SNTG2: variants seen among roughly 807,000 people sequenced by gnomAD.
SNTG2 encodes the protein syntrophin gamma 2.
A neutral mutation model predicts 70.9 loss-of-function variants in SNTG2; 74 were observed. That is an observed-to-expected ratio of 1.04 (90% CI 0.86 to 1.27). The LOEUF is 1.27. Among genes scored for constraint, SNTG2 ranks in the 50% most tolerant of loss-of-function variants. The pLI, the probability that SNTG2 is intolerant of heterozygous loss-of-function variation, is 0.00. For missense variants in SNTG2, 717 were observed against 690.7 expected (o/e 1.04, Z -0.43); for synonymous variants, 278 against 273.8 (o/e 1.02, Z -0.15).
At position 1,121,249 on chromosome 2, in the gene SNTG2, C is replaced by T. The variant is rs186772283; in HGVS notation, c.326-16373C>T. On this transcript the variant is annotated intron_variant, in intron 4 of 16. Transcript: ENST00000308624. ...CAACCTACCAGAACTTCTGGGATGC[C>T]GCAAAAACAGTTGTGAGAAGGAAAT... Among the ~76,000 whole-genome samples, 17 of 151,830 alleles carry T rather than the reference C, an allele frequency of 1.1e-4. No individual in the cohort carries two copies. The South Asian group carries it at 2.3e-3, about 21-fold the overall frequency.
intron 1 of SNTG2, among the ~76,000 whole-genome samples, chr2:970,985 A>C (rs55763241): frequency 0.078 from 11,877 of 152,308 alleles, 685 homozygotes; most frequent in South Asian, 0.2. Flanking sequence ...CAATCATTAA[A>C]AAGTCAGGAA....
chr2:983,159 G>A (rs1476506986), intron 1 of SNTG2, among the ~76,000 whole-genome samples: 1 of 148,574 alleles, frequency 6.7e-6, no homozygotes, highest in East Asian at 1.9e-4. Flanking sequence ...GGAGGTGGAG[G>A]TCGTGATGAA....
chr2:1,272,024 A>G (rs1313358086), intron 14 of SNTG2, among the ~76,000 whole-genome samples: 1 of 152,108 alleles, frequency 6.6e-6, no homozygotes, highest in South Asian at 2.1e-4. Flanking sequence ...AACGGTCCCA[A>G]CCTTTATGGT....
intron 16 of SNTG2, among the ~76,000 whole-genome samples, chr2:1,340,058 C>T (rs1660007589): frequency 6.6e-6 from 1 of 152,250 alleles, no homozygotes; most frequent in South Asian, 2.1e-4. Flanking sequence ...GGCACCGAGG[C>T]ACTCGCCTCC....
At chr2:1,244,649 TTG>T (rs1558589042) in intron 11 of SNTG2, among the ~76,000 whole-genome samples, 1 of 130,326 alleles carries the variant, frequency 7.7e-6, no homozygotes, top group Non-Finnish European at 1.6e-5. Flanking sequence ...TGAGCCAAGA[TTG>T]CACCACTGCA....
At chr2:996,898 C>T (rs1461825246) in intron 1 of SNTG2, among the ~76,000 whole-genome samples, 1 of 151,914 alleles carries the variant, frequency 6.6e-6, no homozygotes, top group Non-Finnish European at 1.5e-5. Context: ...AAAACATCAA[C>T]AAAGCCAAAA....
intron 1 of SNTG2, among the ~76,000 whole-genome samples, chr2:1,019,864 G>T (rs559104373): frequency 6.6e-6 from 1 of 152,172 alleles, no homozygotes; most frequent in Non-Finnish European, 1.5e-5. Context: ...CCAACATGGT[G>T]AAACCCCGTC....
At chr2:1,300,438 C>T (rs1415696851) in intron 14 of SNTG2, among the ~76,000 whole-genome samples, 1 of 152,186 alleles carries the variant, frequency 6.6e-6, no homozygotes, top group Non-Finnish European at 1.5e-5. Context: ...CAGGAAGATC[C>T]CTCAACACCC....
intron 1 of SNTG2, among the ~76,000 whole-genome samples, chr2:1,054,254 G>C (rs150459176): frequency 2.9e-5 from 4 of 137,110 alleles, no homozygotes; most frequent in African/African-American, 1.1e-4. Flanking sequence ...ATCCCTAAGC[G>C]TCAGACCTCA....
rs984568872 is a variant in SNTG2, at chr2:1,047,796, A to G, written c.73-35722A>G. ...GAGAGCATGGGCTCCTCTCCCATTC[A>G]AGTGTTGGCTGTATATCTCAGCTTG... On this transcript the variant is annotated intron_variant, in intron 1 of 16. Transcript: ENST00000308624. 5.3e-5 allele frequency among the ~76,000 whole-genome samples: 8 copies of G among 152,240 alleles called. No homozygotes were observed. In the East Asian group the frequency reaches 1.5e-3, roughly 29 times the overall value.
chr2:1,170,647 G>A (rs947483371), intron 7 of SNTG2, among the ~76,000 whole-genome samples: 2 of 152,260 alleles, frequency 1.3e-5, no homozygotes, highest in Middle Eastern at 3.4e-3. Flanking sequence ...CGCGGGCATC[G>A]GTGCTGCATT....
At chr2:1,256,567 T>G (rs1678133248) in intron 12 of SNTG2, 1 of 152,190 alleles carries the variant, frequency 6.6e-6, no homozygotes, top group African/African-American at 2.4e-5. Context: ...TCTAGAGCTA[T>G]AACTCGTGAA....
At position 1,002,817 on chromosome 2, in the gene SNTG2, A is replaced by G. The variant is rs114998544; in HGVS notation, c.72+51749A>G. On this transcript the variant is annotated intron_variant, in intron 1 of 16. Transcript: ENST00000308624. ...ATAGTTGTATGTTTACTGTGGCACT[A>G]TTCACAGTAGCAAATATCTAGAATC... is the stretch of plus-strand genomic sequence containing the variant. 2.1e-3 allele frequency among the ~76,000 whole-genome samples: 316 copies of G among 151,868 alleles called. 2 individuals carry two copies. Among genetic ancestry groups the G allele is most frequent in the African/African-American group, 7.1e-3 (296 of 41,502 alleles).
At chr2:1,316,224 C>A in intron 15 of SNTG2, 41 bp from the exon 16 acceptor site, 2 of 965,516 alleles carry the variant, frequency 2.1e-6, no homozygotes, top group African/African-American at 1.6e-5. Flanking sequence ...AATAAATGAG[C>A]TCTTGTTTAG....
intron 6 of SNTG2, among the ~76,000 whole-genome samples, chr2:1,153,552 G>A (rs1447094221): frequency 6.6e-6 from 1 of 152,176 alleles, no homozygotes; most frequent in African/African-American, 2.4e-5. Context: ...GCCCAGGGAT[G>A]GTGATTCCAC....
rs1473739871 is a variant in SNTG2 at position 1,077,090 on chromosome 2, A to G, written c.73-6428A>G. Among the ~76,000 whole-genome samples, 13 of 152,154 alleles carry G rather than the reference A, an allele frequency of 8.5e-5. No individual in the cohort carries two copies. In the South Asian group the frequency reaches 2.5e-3, roughly 29 times the overall value. On this transcript the variant is annotated intron_variant, in intron 1 of 16. Coordinates refer to ENST00000308624, the MANE Select transcript of SNTG2 (RefSeq NM_018968.4). ...ATATTTTTAGCAGCTTCTCAGTATC[A>G]CCTATAAATCATAATGCACTTTAAA...
At chr2:1,347,158 C>G (rs1445347736) in intron 16 of SNTG2, among the ~76,000 whole-genome samples, 3 of 152,192 alleles carry the variant, frequency 2.0e-5, no homozygotes, top group Non-Finnish European at 4.4e-5. Flanking sequence ...AGTGCTAACC[C>G]TACCCAGGTA....
chr2:1,042,181 C>T (rs1250120929), intron 1 of SNTG2, among the ~76,000 whole-genome samples: 2 of 152,148 alleles, frequency 1.3e-5, no homozygotes, highest in Admixed American at 1.3e-4. Context: ...GGTGGATTAG[C>T]TCCTCTTGGG....
chr2:991,386 C>CACACAA (rs1661486941), intron 1 of SNTG2, among the ~76,000 whole-genome samples: 2 of 151,648 alleles, frequency 1.3e-5, no homozygotes, highest in South Asian at 4.2e-4. Context: ...CACACACACA[C>CACACAA]ACACACACAC....
Sources: allele counts gnomAD v4.1 joint callset (sites outside exome capture counted in the v4.1 genomes callset), GRCh38; gene constraint gnomAD v4.1.1; transcripts MANE v1.5; gene names NCBI Gene and HGNC (gene_info 2026-07-23, HGNC 2026-07-21).